Variants in WDR76 observed in about 807,000 individuals in gnomAD.
The protein encoded by WDR76 is WD repeat domain 76.
In WDR76, 52 loss-of-function variants were observed where a neutral mutation model predicts 70.2. The ratio of observed to expected loss-of-function variants is 0.74; its 90% CI spans 0.59 to 0.93. The LOEUF is 0.93. Among genes scored for constraint, WDR76 ranks in the 40% least tolerant of loss-of-function variants. The pLI is 0.00. For missense variants in WDR76, 756 were observed against 760.2 expected (o/e 0.99, Z 0.07); for synonymous variants, 292 against 271.1 (o/e 1.08, Z -0.76).
In WDR76 at chr15:43,827,792, G is replaced by A. The variant is rs369294089; in HGVS notation, c.61-173G>A. On this transcript the variant is annotated intron_variant, in intron 1 of 12. Transcript: ENST00000263795. ...GATCTCCTGACCTCGCGATCTGCCC[G>A]ATTGGGCCTCCCAAAGTGCTGGGAT... Among the ~76,000 whole-genome samples the A allele has an allele frequency of 1.1e-4, 16 of 152,234 alleles. No homozygotes were observed. In the East Asian group the frequency reaches 1.3e-3, roughly 13 times the overall value.
intron 5 of WDR76, among the ~76,000 whole-genome samples, chr15:43,841,193 G>GT (rs1419399531): frequency 2.0e-4 from 24 of 118,782 alleles, no homozygotes; most frequent in African/African-American, 4.8e-4. Context: ...GCTAAGTTTT[G>GT]TTTTTTTGTT....
At chr15:43,830,315 C>T (rs2087571237) in intron 2 of WDR76, among the ~76,000 whole-genome samples, 1 of 151,940 alleles carries the variant, frequency 6.6e-6, no homozygotes, top group African/African-American at 2.4e-5. Context: ...GTAATCCCAG[C>T]ACCTTGGGAG....
intron 11 of WDR76, among the ~76,000 whole-genome samples, chr15:43,861,065 C>A (rs2087991549): frequency 6.6e-6 from 1 of 151,800 alleles, no homozygotes; most frequent in African/African-American, 2.4e-5. Context: ...GGACTACAGG[C>A]ATGTGCCCCA....
rs75582325 is a variant in WDR76, at chr15:43,840,563, A to G, written c.732+835A>G. On this transcript the variant is annotated intron_variant, in intron 5 of 12. Coordinates refer to ENST00000263795, the MANE Select transcript of WDR76 (RefSeq NM_024908.4). ...TTAATACTTTATATGTAAGTGTTTA[A>G]TTGTAAATAGGAAGATAGCACTAAT... Among the ~76,000 whole-genome samples, 15 of 152,310 alleles carry G rather than the reference A, an allele frequency of 9.8e-5. No individual in the cohort carries two copies. In the East Asian group the frequency reaches 2.9e-3, roughly 29 times the overall value.
Position 43,861,016 on chromosome 15 carries a change from G to T in WDR76, c.1563-317G>T, listed in dbSNP as rs573928145. 8.8e-4 allele frequency among the ~76,000 whole-genome samples: 130 copies of T among 148,140 alleles called. 1 individual carries two copies. The Middle Eastern group carries it at 0.018, about 20-fold the overall frequency. ...GCTTAGTGTAATCTCAAACTCCTGG[G>T]CTCAAGTGATCTTCTCACCTCAGCC... On this transcript the variant is annotated intron_variant, in intron 11 of 12. Coordinates refer to ENST00000263795, the MANE Select transcript of WDR76 (RefSeq NM_024908.4).
intron 2 of WDR76, among the ~76,000 whole-genome samples, chr15:43,829,786 G>A (rs1353500214): frequency 6.6e-6 from 1 of 151,904 alleles, no homozygotes; most frequent in Non-Finnish European, 1.5e-5. Flanking sequence ...AATTACAGGC[G>A]TGAGCCACCG....
At chr15:43,843,580 T>C (rs966113525) in intron 7 of WDR76, among the ~76,000 whole-genome samples, 3 of 152,190 alleles carry the variant, frequency 2.0e-5, no homozygotes, top group African/African-American at 4.8e-5. Context: ...TTTTATGGCT[T>C]TTAGTACACA....
intron 7 of WDR76, among the ~76,000 whole-genome samples, chr15:43,843,533 C>T (rs1342948069): frequency 1.3e-5 from 2 of 152,010 alleles, no homozygotes; most frequent in Non-Finnish European, 2.9e-5. Flanking sequence ...GGTTAGATTT[C>T]CAGAAGTGAG....
At chr15:43,862,975 G>T (rs531584551) in intron 12 of WDR76, among the ~76,000 whole-genome samples, 8 of 151,692 alleles carry the variant, frequency 5.3e-5, no homozygotes, top group South Asian at 4.2e-4. Context: ...TCGCTCTGTT[G>T]TCCAGGCTGG....
chr15:43,863,071 G>T (rs947831882), intron 12 of WDR76, among the ~76,000 whole-genome samples: 3 of 152,146 alleles, frequency 2.0e-5, no homozygotes, highest in African/African-American at 7.2e-5. Context: ...GAGTAGCTGG[G>T]ACTACAGGCA....
At chr15:43,835,206 C>G (rs1036192044) in intron 3 of WDR76, 56 bp downstream of exon 3, 2 of 1,496,296 alleles carry the variant, frequency 1.3e-6, no homozygotes, top group African/African-American at 2.8e-5. Context: ...GTGGGTAGCG[C>G]CTGTAATCCT....
At chr15:43,839,867 T>G in intron 5 of WDR76, 139 bp downstream of exon 5, 1 of 1,173,106 alleles carries the variant, frequency 8.5e-7, no homozygotes, top group Non-Finnish European at 1.1e-6. Context: ...GGTTTTGTTT[T>G]GTTTTTTTGA....
intron 8 of WDR76, among the ~76,000 whole-genome samples, chr15:43,844,339 C>T (rs1340484141): frequency 3.9e-5 from 6 of 152,162 alleles, no homozygotes; most frequent in East Asian, 1.9e-4. Flanking sequence ...TTAAAGTGGC[C>T]GGGTGCGGTG....
intron 5 of WDR76, 25 bp from the exon 6 acceptor site, chr15:43,842,390 A>C (rs1302123967): frequency 6.2e-7 from 1 of 1,607,396 alleles, no homozygotes; most frequent in South Asian, 1.1e-5. Flanking sequence ...GAGCCCAACA[A>C]ATAACTTTTT....
intron 4 of WDR76, 67 bp from the exon 5 acceptor site, chr15:43,839,538 C>A: frequency 2.7e-6 from 4 of 1,491,544 alleles, no homozygotes; most frequent in Admixed American, 2.1e-5. Context: ...GAAGTTATCT[C>A]TTTAGTATTA....
At position 43,839,604 on chromosome 15, in the gene WDR76, GA is replaced by G. The variant is rs768913403; in HGVS notation, c.611del (p.Lys204ArgfsTer18). 6 of 1,606,342 alleles carry G rather than the reference GA, an allele frequency of 3.7e-6. No homozygotes were observed. The highest frequency in any genetic ancestry group is 5.1e-6 in the Non-Finnish European group (6 of 1,176,774). On this transcript the variant is annotated frameshift_variant and splice_region_variant, in exon 5 of 13. Coordinates refer to ENST00000263795, the MANE Select transcript of WDR76 (RefSeq NM_024908.4). LOFTEE classifies it high-confidence loss of function. The stretch of plus-strand genomic sequence containing the variant: ...ACATGAGTTTTTCCCCACTCCTTTA[GA>G]AAGAAGCCTAAGAGAGAAAATGGGA... ...IEKRQPPKSKRKKPKRENGIG... is the reference protein window; with the variant it reads ...IEKRQPPKSKXKKPKRENGIG...
chr15:43,844,863 G>C (rs2087768198), intron 8 of WDR76, among the ~76,000 whole-genome samples: 1 of 116,244 alleles, frequency 8.6e-6, no homozygotes, highest in Non-Finnish European at 1.8e-5. Flanking sequence ...GGGAGGGGGA[G>C]CTTGCAGTGA....
rs1026412856 is a variant in WDR76, at chr15:43,839,710, A to G, written c.714A>G (p.Thr238=). 1.2e-5 allele frequency: 20 copies of G among 1,608,626 alleles called. No homozygotes were observed. The highest frequency in any genetic ancestry group is 3.4e-5 in the Admixed American group (2 of 59,336). ...VSLPAAPTPP[T]LVADETPLLP... is the part of the protein sequence containing the mutation. ...TACCAGCAGCTCCAACACCGCCGAC[A>G]TTAGTAGCAGATGAAACTGTAAGGA... Residue 238 remains threonine (T), a synonymous_variant, in exon 5 of 13, where the codon ACA becomes ACG. Transcript: ENST00000263795.
In WDR76 at chr15:43,828,187, C is replaced by T. The variant is rs140699198; in HGVS notation, c.283C>T (p.Pro95Ser). The T allele has an allele frequency of 3.3e-5, 53 of 1,614,022 alleles. No homozygotes were observed. The African/African-American group carries it at 5.7e-4, about 17-fold the overall frequency. Residue 95 changes from proline to serine, a missense_variant, in exon 2 of 13, where the codon CCT (proline) becomes TCT (serine). Transcript: ENST00000263795. ...KIKKTCRRII[P>S]PKMKNTSSKA... ...AAAGAAAACTTGCAGAAGGATTATA[C>T]CTCCAAAGATGAAAAACACATCTTC...
Sources: allele counts gnomAD v4.1 joint callset (sites outside exome capture counted in the v4.1 genomes callset), GRCh38; gene constraint gnomAD v4.1.1; transcripts MANE v1.5; gene names NCBI Gene and HGNC (gene_info 2026-07-23, HGNC 2026-07-21).